The following CACNA1C variants were observed in gnomAD, a reference collection of about 807,000 sequenced individuals.
CACNA1C encodes voltage-dependent L-type calcium channel subunit alpha-1C.
Under a neutral mutation model 229.0 loss-of-function variants are expected in CACNA1C, and 30 were observed. The ratio of observed to expected loss-of-function variants is 0.13; its 90% confidence interval spans 0.10 to 0.18. The LOEUF (loss-of-function observed/expected upper bound fraction) is 0.18, where lower values mean the gene tolerates loss of function less well. CACNA1C is among the 10% of genes least tolerant of loss of function. The probability of loss-of-function intolerance (pLI) is 1.00; values close to 1 mark genes in which losing one functional copy is unlikely to be tolerated. For missense variants in CACNA1C, 1,658 were observed against 2,845.0 expected (o/e 0.58, Z 9.49); for synonymous variants, 1,114 against 1,132.5 (o/e 0.98, Z 0.33).
chr12:2,023,197 G>A (rs1014785124), intron 1 of CACNA1C, among the ~76,000 whole-genome samples: 32 of 152,164 alleles, frequency 2.1e-4, no homozygotes, highest in East Asian at 1.9e-4. Context: ...GTGTTCTGTC[G>A]TTCTGTAGGT....
chr12:2,209,560 G>A (rs778853944), intron 3 of CACNA1C, among the ~76,000 whole-genome samples: 14 of 152,162 alleles, frequency 9.2e-5, no homozygotes, highest in South Asian at 2.1e-4. Flanking sequence ...CCTATTACCA[G>A]TTGTTTACCC....
Position 2,079,286 on chromosome 12 carries a change from T to TA in CACNA1C, c.49+25684dup, listed in dbSNP as rs201732993. On this transcript the variant is annotated intron_variant, in intron 1 of 46. Coordinates refer to ENST00000399655, the MANE Select transcript of CACNA1C (RefSeq NM_000719.7). Reference sequence around the variant, plus strand: ...CTAAAACTTAAAATATAATAATAATTAAAAAAAAATAGTTAAGATGGTTGT... The same window carrying TA: ...CTAAAACTTAAAATATAATAATAATTAAAAAAAAAATAGTTAAGATGGTTGT... Among the ~76,000 whole-genome samples the TA allele has an allele frequency of 7.9e-5, 12 of 151,178 alleles. 1 individual carries two copies. The highest frequency in any genetic ancestry group is 7.4e-5 in the Non-Finnish European group (5 of 67,760).
chr12:2,247,146 A>T (rs1292630056), intron 3 of CACNA1C, among the ~76,000 whole-genome samples: 9 of 152,220 alleles, frequency 5.9e-5, no homozygotes, highest in African/African-American at 1.7e-4. Flanking sequence ...CACCCTGATT[A>T]TCCTTTATTC....
In CACNA1C at chr12:2,218,189, C is replaced by T. The variant is rs138173369; in HGVS notation, c.477+97759C>T. Among the ~76,000 whole-genome samples, 864 of 152,278 alleles carry T rather than the reference C, an allele frequency of 5.7e-3. 7 individuals carry two copies. Among genetic ancestry groups the T allele is most frequent in the African/African-American group, 0.02 (817 of 41,548 alleles). ...CCTACTCTAGCATCCTTTGCCTCTC[C>T]GTAGCCTCTCACTCCCTGAGATGCA... On this transcript the variant is annotated intron_variant, in intron 3 of 46. Transcript: ENST00000399655.
chr12:2,532,636 C>T (rs2099843890), intron 9 of CACNA1C, among the ~76,000 whole-genome samples: 1 of 152,214 alleles, frequency 6.6e-6, no homozygotes, highest in African/African-American at 2.4e-5. Context: ...CCGACACTCC[C>T]ACTCCTCACC....
chr12:2,321,210 A>G (rs2095975857), intron 3 of CACNA1C, among the ~76,000 whole-genome samples: 1 of 150,738 alleles, frequency 6.6e-6, no homozygotes, highest in South Asian at 2.1e-4. Context: ...CTGGCTTCCA[A>G]GGTGGTCGTT....
chr12:2,310,352 A>AAAAAAAAAAAAAATAT (rs201363709), intron 3 of CACNA1C, among the ~76,000 whole-genome samples: 3 of 139,826 alleles, frequency 2.1e-5, no homozygotes, highest in African/African-American at 8.0e-5. Context: ...TAAAAAAAAA[A>AAAAAAAAAAAAAATAT]ATATATATAT....
chr12:2,210,629 G>C (rs2097890831), intron 3 of CACNA1C, among the ~76,000 whole-genome samples: 1 of 152,166 alleles, frequency 6.6e-6, no homozygotes, highest in Non-Finnish European at 1.5e-5. Flanking sequence ...TGGAAGTTGA[G>C]GCAAACATTA....
At chr12:2,418,278 T>C (rs919414686) in intron 3 of CACNA1C, among the ~76,000 whole-genome samples, 4 of 152,074 alleles carry the variant, frequency 2.6e-5, no homozygotes, top group Admixed American at 1.3e-4. Flanking sequence ...TTGGATGGGG[T>C]CTTCCACATT....
intron 3 of CACNA1C, among the ~76,000 whole-genome samples, chr12:2,157,144 G>A (rs1297129153): frequency 6.6e-6 from 1 of 152,202 alleles, no homozygotes; most frequent in Non-Finnish European, 1.5e-5. Context: ...GCTAAGAGTA[G>A]ATGGCACAGT....
chr12:2,277,868 C>CA (rs1381898909), intron 3 of CACNA1C, among the ~76,000 whole-genome samples: 4 of 152,350 alleles, frequency 2.6e-5, no homozygotes, highest in Admixed American at 1.3e-4. Context: ...GTTACACTCG[C>CA]ACAGAGCAAG....
intron 1 of CACNA1C, among the ~76,000 whole-genome samples, chr12:2,001,729 T>C (rs1040268741): frequency 6.6e-6 from 1 of 152,246 alleles, no homozygotes; most frequent in African/African-American, 2.4e-5. Context: ...AAACTCTGAC[T>C]TATTTGGATA....
At chr12:2,379,812 A>G (rs1363079144) in intron 3 of CACNA1C, among the ~76,000 whole-genome samples, 1 of 151,680 alleles carries the variant, frequency 6.6e-6, no homozygotes, top group East Asian at 1.9e-4. Context: ...CGGGCGGATC[A>G]CGAGGTCAGG....
rs1375352825 is a variant in CACNA1C, at chr12:2,649,958, A to G, written c.3945+1451A>G. Among the ~76,000 whole-genome samples, 1 of 151,588 alleles carries G rather than the reference A, an allele frequency of 6.6e-6. No homozygotes were observed. The highest frequency in any genetic ancestry group is 1.9e-4 in the East Asian group (1 of 5,170). ...TAGAAATACAGAGATTAAGGTCATC[A>G]AAGGCTTCAGAACACACAGGCAGGG... On this transcript the variant is annotated intron_variant, in intron 31 of 46. Coordinates refer to ENST00000399655, the MANE Select transcript of CACNA1C (RefSeq NM_000719.7). The surrounding 1 kb of genome is among the most constrained non-coding windows in gnomAD (Gnocchi z 4.4).
chr12:2,254,403 G>A (rs747357384), intron 3 of CACNA1C, among the ~76,000 whole-genome samples: 148 of 152,184 alleles, frequency 9.7e-4, no homozygotes, highest in Non-Finnish European at 1.7e-3. Flanking sequence ...ACATACTCCA[G>A]TCTGTTGTTT....
chr12:2,364,583 G>A (rs754349973), intron 3 of CACNA1C, among the ~76,000 whole-genome samples: 3 of 152,178 alleles, frequency 2.0e-5, no homozygotes, highest in Non-Finnish European at 4.4e-5. Context: ...AATTTCACTC[G>A]GCTAAAAGCA....
chr12:2,606,062 T>C (rs943104173), intron 24 of CACNA1C, among the ~76,000 whole-genome samples: 1 of 152,180 alleles, frequency 6.6e-6, no homozygotes, highest in African/African-American at 2.4e-5. Flanking sequence ...AGAGGGACTT[T>C]CATCCTGTGG....
At chr12:2,206,956 C>G (rs2097772074) in intron 3 of CACNA1C, among the ~76,000 whole-genome samples, 1 of 152,156 alleles carries the variant, frequency 6.6e-6, no homozygotes, top group Admixed American at 6.5e-5. Flanking sequence ...TTTACAGCCT[C>G]CAAATGCAAT....
chr12:2,434,074 G>A (rs907304437), intron 3 of CACNA1C, among the ~76,000 whole-genome samples: 3 of 152,138 alleles, frequency 2.0e-5, no homozygotes, highest in African/African-American at 7.2e-5. Flanking sequence ...TGGTCCCGGG[G>A]GATGCTGCAC....
Sources: gnomAD v4.1 joint callset for allele counts (sites outside exome capture counted in the v4.1 genomes callset) on GRCh38, gnomAD v4.1.1 for gene constraint, Gnocchi (gnomAD v3.1) non-coding constraint, MANE v1.5 for transcripts, NCBI Gene and HGNC (gene_info 2026-07-23, HGNC 2026-07-21) for gene names.